The following CLEC16A variants were observed in gnomAD, a reference collection of about 807,000 sequenced individuals.
CLEC16A encodes the protein protein CLEC16A.
Under a neutral mutation model 109.5 loss-of-function variants are expected in CLEC16A, and 51 were observed. The ratio of observed to expected loss-of-function variants is 0.47; its 90% CI spans 0.37 to 0.59. The LOEUF (loss-of-function observed/expected upper bound fraction) is 0.59, where lower values mean the gene tolerates loss of function less well. Ranked by LOEUF, CLEC16A falls within the 20% of genes least tolerant of loss-of-function variation. The probability of loss-of-function intolerance (pLI) is 0.00; values close to 1 mark genes in which losing one functional copy is unlikely to be tolerated. For synonymous variants in CLEC16A, 673 were observed against 564.2 expected (o/e 1.19, Z -2.73); for missense variants, 1,339 against 1,394.0 (o/e 0.96, Z 0.63).
chr16:11,086,253 TG>T (rs950829244), intron 19 of CLEC16A, among the ~76,000 whole-genome samples: 2 of 152,090 alleles, frequency 1.3e-5, no homozygotes, highest in African/African-American at 4.8e-5. Flanking sequence ...ATGGGGCTGG[TG>T]GGGAGGAGCA....
chr16:10,979,494 G>A lies in CLEC16A; in HGVS notation c.957+112G>A, dbSNP rs1199582100. ...ACCCCATCTTCTCTGTCCCCCCCAT[G>A]CTGGAGTAAAATAACAGCAAAACAG... is the stretch of plus-strand genomic sequence containing the variant. On this transcript the variant is annotated intron_variant, in intron 9 of 23. Coordinates refer to ENST00000409790, the MANE Select transcript of CLEC16A (RefSeq NM_015226.3). 4.3e-6 allele frequency: 4 copies of A among 923,646 alleles called. No homozygotes were observed. In the African/African-American group the frequency reaches 6.7e-5, roughly 15 times the overall value. 57.2% of individuals were successfully genotyped at this position (923,646 alleles called of 1,614,324 possible).
chr16:10,976,757 C>T (rs957472317), intron 7 of CLEC16A, among the ~76,000 whole-genome samples: 2 of 152,142 alleles, frequency 1.3e-5, no homozygotes, highest in African/African-American at 2.4e-5. Flanking sequence ...ACCTCCAGGG[C>T]AGGGGCCTGG....
At chr16:11,115,697 A>G (rs977175583) in intron 19 of CLEC16A, among the ~76,000 whole-genome samples, 1 of 151,962 alleles carries the variant, frequency 6.6e-6, no homozygotes, top group African/African-American at 2.4e-5. Context: ...AGTAAAGAAA[A>G]CAAACCCTAC....
chr16:10,952,872 A>G (rs1434800396), intron 1 of CLEC16A, among the ~76,000 whole-genome samples: 1 of 152,250 alleles, frequency 6.6e-6, no homozygotes, highest in African/African-American at 2.4e-5. Context: ...AACTCTAACA[A>G]TAGATCTGCA....
rs1596762738 is a variant in CLEC16A, at chr16:10,962,400, T to C, written c.210-55T>C. 10 of 1,605,972 alleles carry C rather than the reference T, an allele frequency of 6.2e-6. No individual in the cohort carries two copies. The East Asian group carries it at 2.2e-4, about 36-fold the overall frequency. On this transcript the variant is annotated intron_variant, in intron 2 of 23. Coordinates refer to ENST00000409790, the MANE Select transcript of CLEC16A (RefSeq NM_015226.3). The stretch of plus-strand genomic sequence containing the variant: ...TGTTGTGAATGAAACCAGATAATAA[T>C]TTCTGTTTCCACATGTGGAAGCAAG...
rs889940604 is a variant in CLEC16A at position 11,027,722 on chromosome 16, T to G, written c.1537+2801T>G. On this transcript the variant is annotated intron_variant, in intron 13 of 23. Transcript: ENST00000409790. ...TCAAGGAGATGGGCACACTTGGCTA[T>G]CGGGGTGAACGCATCAATCAGCTCA... 4 of 1,577,880 alleles carry G rather than the reference T, an allele frequency of 2.5e-6. No homozygotes were observed. The Admixed American group carries it at 6.7e-5, about 26-fold the overall frequency.
intron 19 of CLEC16A, among the ~76,000 whole-genome samples, chr16:11,080,344 G>A (rs1046197467): frequency 2.6e-5 from 4 of 152,212 alleles, no homozygotes; most frequent in Admixed American, 2.0e-4. Flanking sequence ...GGGGGTGGGT[G>A]GGTAAACAGG....
At chr16:11,113,040 A>G (rs1248777692) in intron 19 of CLEC16A, among the ~76,000 whole-genome samples, 3 of 152,228 alleles carry the variant, frequency 2.0e-5, no homozygotes, top group Non-Finnish European at 4.4e-5. Flanking sequence ...GCACGTGCAC[A>G]TGTGAGCTGA....
intron 22 of CLEC16A, among the ~76,000 whole-genome samples, chr16:11,160,441 C>T (rs1158119018): frequency 6.6e-6 from 1 of 152,174 alleles, no homozygotes; most frequent in Non-Finnish European, 1.5e-5. Flanking sequence ...CCACTTGCAC[C>T]ACATGGGAAA....
intron 2 of CLEC16A, among the ~76,000 whole-genome samples, chr16:10,958,774 T>C (rs961124802): frequency 6.6e-6 from 1 of 152,114 alleles, no homozygotes; most frequent in African/African-American, 2.4e-5. Context: ...CATGGTTGTG[T>C]GTGCCTGTGT....
At chr16:11,032,841 G>A (rs1169889871) in intron 13 of CLEC16A, among the ~76,000 whole-genome samples, 2 of 152,246 alleles carry the variant, frequency 1.3e-5, no homozygotes, top group East Asian at 1.9e-4. Flanking sequence ...AGGTCATGAA[G>A]GGCCTTGAAG....
chr16:11,166,044 T>C (rs2068246594), intron 22 of CLEC16A, among the ~76,000 whole-genome samples: 1 of 152,170 alleles, frequency 6.6e-6, no homozygotes, highest in Non-Finnish European at 1.5e-5. Flanking sequence ...GCATCTAGCA[T>C]CCCTGGGTGA....
chr16:11,060,845 C>G (rs967340141), intron 18 of CLEC16A, 57 bp from the exon 19 acceptor site: 9 of 1,470,162 alleles, frequency 6.1e-6, no homozygotes, highest in Admixed American at 2.1e-5. Flanking sequence ...TGTGGGGCAT[C>G]TCACTGAAAT....
intron 12 of CLEC16A, among the ~76,000 whole-genome samples, chr16:11,020,788 A>C (rs377109215): frequency 6.6e-6 from 1 of 152,024 alleles, no homozygotes; most frequent in African/African-American, 2.4e-5. Context: ...GCTGCCATCC[A>C]CCTTTGACTT....
Position 11,113,671 on chromosome 16 carries a change from CAGAA to C in CLEC16A, c.2117-6938_2117-6935del, listed in dbSNP as rs1434965271. Reference sequence around the variant, plus strand: ...GAGACCCTGTCTCAAAGAAAAAAAACAGAAAGAAAAAGAAACTAAAATCACCTTG... The same window carrying C: ...GAGACCCTGTCTCAAAGAAAAAAAACAGAAAAAGAAACTAAAATCACCTTG... On this transcript the variant is annotated intron_variant, in intron 19 of 23. Coordinates refer to ENST00000409790, the MANE Select transcript of CLEC16A (RefSeq NM_015226.3). 3.9e-5 allele frequency among the ~76,000 whole-genome samples: 6 copies of C among 152,090 alleles called. No individual in the cohort carries two copies. In the South Asian group the frequency reaches 1.0e-3, roughly 26 times the overall value.
chr16:11,108,963 T>A (rs2051390354), intron 19 of CLEC16A, among the ~76,000 whole-genome samples: 1 of 151,536 alleles, frequency 6.6e-6, no homozygotes, highest in Non-Finnish European at 1.5e-5. Flanking sequence ...ACAAACAAAT[T>A]AGCCAGGCGT....
Position 10,954,442 on chromosome 16 carries a change from T to C in CLEC16A, c.81-3340T>C, listed in dbSNP as rs2041891132. ...TCTTTTTCCCCCAGAAATTATTTAA[T>C]AAGGGCAACAATAACAATAGCTAGC... On this transcript the variant is annotated intron_variant, in intron 1 of 23. Transcript: ENST00000409790. The surrounding 1 kb of genome is among the most constrained non-coding windows in gnomAD (Gnocchi z 4.2). Among the ~76,000 whole-genome samples, 2 of 152,222 alleles carry C rather than the reference T, an allele frequency of 1.3e-5. No individual in the cohort carries two copies. The highest frequency in any genetic ancestry group is 2.9e-5 in the Non-Finnish European group (2 of 68,040).
intron 13 of CLEC16A, 99 bp from the exon 14 acceptor site, chr16:11,039,655 G>A (rs1016830490): frequency 7.6e-7 from 1 of 1,317,156 alleles, no homozygotes; most frequent in Admixed American, 3.1e-5. Context: ...GGGAACATAT[G>A]TGGCTGAAGT....
chr16:11,044,927 CAA>C (rs71404442), intron 16 of CLEC16A, among the ~76,000 whole-genome samples: 67 of 86,906 alleles, frequency 7.7e-4, no homozygotes, highest in African/African-American at 2.6e-3. Flanking sequence ...AACTCCATCT[CAA>C]AAAAAAAAAA....
Sources: allele counts gnomAD v4.1 joint callset (sites outside exome capture counted in the v4.1 genomes callset), GRCh38; gene constraint gnomAD v4.1.1; non-coding constraint Gnocchi (gnomAD v3.1); transcripts MANE v1.5; gene names NCBI Gene and HGNC (gene_info 2026-07-23, HGNC 2026-07-21).